TMEM135: variants seen among roughly 807,000 people sequenced by gnomAD.
TMEM135 encodes the protein peroxisomal membrane protein 52.
A neutral mutation model predicts 60.3 loss-of-function variants in TMEM135; 30 were observed. The observed-to-expected ratio is 0.50, with a 90% CI of 0.37 to 0.68. The LOEUF is 0.68. Ranked by LOEUF, TMEM135 falls within the 30% of genes least tolerant of loss-of-function variation. The probability of loss-of-function intolerance (pLI) is 0.00; values close to 1 mark genes in which losing one functional copy is unlikely to be tolerated. For missense variants in TMEM135, 468 were observed against 548.8 expected (o/e 0.85, Z 1.47); for synonymous variants, 190 against 186.7 (o/e 1.02, Z -0.14).
chr11:87,102,714 GTA>G (rs112067779), intron 4 of TMEM135, among the ~76,000 whole-genome samples: 5,234 of 97,830 alleles, frequency 0.054, 125 homozygotes, highest in African/African-American at 0.065. Context: ...GTATATATAT[GTA>G]TATATATATA....
intron 4 of TMEM135, among the ~76,000 whole-genome samples, chr11:87,123,379 T>G (rs1032032680): frequency 6.6e-6 from 1 of 152,222 alleles, no homozygotes; most frequent in African/African-American, 2.4e-5. Flanking sequence ...AATCTTTACC[T>G]CTGTCATCAC....
chr11:87,295,653 C>A, intron 6 of TMEM135, 129 bp from the exon 7 acceptor site: 1 of 684,414 alleles, frequency 1.5e-6, no homozygotes, highest in Admixed American at 2.6e-5. Flanking sequence ...GCTCTTTTGA[C>A]CATTCATAAT....
intron 4 of TMEM135, among the ~76,000 whole-genome samples, chr11:87,110,355 TG>T (rs1355601733): frequency 6.6e-6 from 1 of 152,064 alleles, no homozygotes; most frequent in African/African-American, 2.4e-5. Flanking sequence ...CCTAGCTACT[TG>T]GGAGGCTGAA....
chr11:87,085,144 G>T (rs1857069180), intron 3 of TMEM135, among the ~76,000 whole-genome samples: 1 of 152,206 alleles, frequency 6.6e-6, no homozygotes. Flanking sequence ...ATATAGTACA[G>T]TTATAAAGTT....
chr11:87,284,783 A>G (rs985170089), intron 6 of TMEM135, among the ~76,000 whole-genome samples: 7 of 152,218 alleles, frequency 4.6e-5, no homozygotes, highest in Non-Finnish European at 1.0e-4. Flanking sequence ...CAAATTTCTT[A>G]ATTTCTTGCT....
chr11:87,276,004 G>C (rs1941959995), intron 6 of TMEM135, among the ~76,000 whole-genome samples: 1 of 152,108 alleles, frequency 6.6e-6, no homozygotes, highest in African/African-American at 2.4e-5. Flanking sequence ...TTCCTCTACT[G>C]CCAAGCTCCA....
intron 4 of TMEM135, among the ~76,000 whole-genome samples, chr11:87,094,202 G>A (rs959873006): frequency 6.6e-6 from 1 of 152,090 alleles, no homozygotes; most frequent in Non-Finnish European, 1.5e-5. Context: ...TTTGTTTGGA[G>A]ACTGCTTGGA....
chr11:87,181,390 G>A (rs1277598389), intron 5 of TMEM135, among the ~76,000 whole-genome samples: 2 of 152,120 alleles, frequency 1.3e-5, no homozygotes, highest in Admixed American at 6.6e-5. Context: ...GGACAAAGAG[G>A]TTGGTACAGA....
intron 6 of TMEM135, among the ~76,000 whole-genome samples, chr11:87,272,492 A>T (rs961144591): frequency 4.1e-5 from 6 of 147,952 alleles, no homozygotes; most frequent in African/African-American, 1.5e-4. Flanking sequence ...ATGGGATCTC[A>T]CTCTGTCACC....
chr11:87,265,026 T>C (rs1339154903), intron 6 of TMEM135, among the ~76,000 whole-genome samples: 2 of 151,930 alleles, frequency 1.3e-5, no homozygotes, highest in East Asian at 3.9e-4. Flanking sequence ...AATTAAAACA[T>C]GAAACTTTGA....
chr11:87,160,241 C>G (rs913269590), intron 5 of TMEM135, among the ~76,000 whole-genome samples: 1 of 152,148 alleles, frequency 6.6e-6, no homozygotes, highest in Admixed American at 6.5e-5. Context: ...GACATTTCTG[C>G]TTAGATATTT....
chr11:87,327,556 G>A lies in TMEM135; in HGVS notation c.*6223G>A. ...GAGAGAGATATGAGAGGGATAGAGA[G>A]AGACACAGAGAGAGATATGAGAGGG... On this transcript the variant is annotated 3_prime_UTR_variant, in exon 15 of 15. Transcript: ENST00000305494. The A allele has an allele frequency of 2.2e-6, 1 of 451,630 alleles. No individual in the cohort carries two copies. The highest frequency in any genetic ancestry group is 4.4e-6 in the Non-Finnish European group (1 of 225,514). 28.0% of individuals were successfully genotyped at this position (451,630 alleles called of 1,614,324 possible). A position where few individuals can be genotyped will look rare whatever the true frequency, so the allele number is the denominator to read the frequency against.
At chr11:87,131,664 T>C (rs2135232485) in intron 4 of TMEM135, among the ~76,000 whole-genome samples, 1 of 152,304 alleles carries the variant, frequency 6.6e-6, no homozygotes, top group South Asian at 2.1e-4. Context: ...GTTTGCCACA[T>C]ACAGTGTGTC....
intron 4 of TMEM135, among the ~76,000 whole-genome samples, chr11:87,093,617 G>A (rs946294028): frequency 5.9e-5 from 9 of 152,034 alleles, no homozygotes; most frequent in African/African-American, 2.2e-4. Context: ...TGCAACCACT[G>A]CCTCCTGGGT....
chr11:87,275,368 G>A lies in TMEM135; in HGVS notation c.510-20414G>A, dbSNP rs938048815. Reference sequence around the variant, plus strand: ...TGCTAGCAACCATTACAGACTTCTTGAGACCAAAGCCTGCCTATCAGATGC... The same window carrying A: ...TGCTAGCAACCATTACAGACTTCTTAAGACCAAAGCCTGCCTATCAGATGC... On this transcript the variant is annotated intron_variant, in intron 6 of 14. Transcript: ENST00000305494. 1.1e-4 allele frequency among the ~76,000 whole-genome samples: 17 copies of A among 151,928 alleles called. 1 individual carries two copies. Among genetic ancestry groups the A allele is most frequent in the Admixed American group, 6.6e-4 (10 of 15,238 alleles).
rs1400612921 is a variant in TMEM135 at position 87,322,498 on chromosome 11, C to T, written c.*1165C>T. 1.3e-5 allele frequency: 6 copies of T among 453,712 alleles called. No homozygotes were observed. The highest frequency in any genetic ancestry group is 6.9e-5 in the East Asian group (1 of 14,396). 28.1% of individuals were successfully genotyped at this position (453,712 alleles called of 1,614,324 possible). On this transcript the variant is annotated 3_prime_UTR_variant, in exon 15 of 15. Coordinates refer to ENST00000305494, the MANE Select transcript of TMEM135 (RefSeq NM_022918.4). ...AGGACAGCTGTGATTGAAATATGGT[C>T]GCTATTTACAGTTTTTCAGGGAAAA... is the stretch of plus-strand genomic sequence containing the variant.
intron 4 of TMEM135, among the ~76,000 whole-genome samples, chr11:87,146,792 T>C (rs907054280): frequency 6.6e-6 from 1 of 152,090 alleles, no homozygotes. Flanking sequence ...TGATATTAAC[T>C]GTGACCATCT....
intron 4 of TMEM135, among the ~76,000 whole-genome samples, chr11:87,150,215 CAAA>C (rs200067307): frequency 0.26 from 27,991 of 109,542 alleles, 3,071 homozygotes; most frequent in East Asian, 0.58. Context: ...AACTCTGTCT[CAAA>C]AAAAAAAAAA....
rs1453760947 is a variant in TMEM135 at position 87,323,916 on chromosome 11, T to G, written c.*2583T>G. On this transcript the variant is annotated 3_prime_UTR_variant, in exon 15 of 15. Transcript: ENST00000305494. Reference sequence around the variant, plus strand: ...TAACTTTTTTCTTGAACTATAAGCATAGTCATCACTCAGTTGATATCTAGT... The same window carrying G: ...TAACTTTTTTCTTGAACTATAAGCAGAGTCATCACTCAGTTGATATCTAGT... The G allele has an allele frequency of 2.2e-6, 1 of 453,764 alleles. No homozygotes were observed. The highest frequency in any genetic ancestry group is 1.6e-5 in the South Asian group (1 of 64,268). 28.1% of individuals were successfully genotyped at this position (453,764 alleles called of 1,614,324 possible). A position where few individuals can be genotyped will look rare whatever the true frequency, so the allele number is the denominator to read the frequency against.
Sources: gnomAD v4.1 joint callset for allele counts (sites outside exome capture counted in the v4.1 genomes callset) on GRCh38, gnomAD v4.1.1 for gene constraint, MANE v1.5 for transcripts, NCBI Gene and HGNC (gene_info 2026-07-23, HGNC 2026-07-21) for gene names.